The following ABCC2 variants were observed in gnomAD, a reference collection of about 807,000 sequenced individuals.
ABCC2 encodes the protein ATP binding cassette subfamily C member 2, also known as ATP-binding cassette sub-family C member 2.
A neutral mutation model predicts 173.4 loss-of-function variants in ABCC2; 157 were observed. The ratio of observed to expected loss-of-function variants is 0.91; its 90% confidence interval spans 0.80 to 1.03. The LOEUF (loss-of-function observed/expected upper bound fraction) is 1.03. Among genes scored for constraint, ABCC2 ranks in the 50% least tolerant of loss-of-function variants. The pLI is 0.00. For missense variants in ABCC2, 1,822 were observed against 1,852.3 expected (o/e 0.98, Z 0.30); for synonymous variants, 657 against 693.5 (o/e 0.95, Z 0.83).
At chr10:99,814,566 T>C (rs865803027) in intron 16 of ABCC2, among the ~76,000 whole-genome samples, 1 of 42,168 alleles carries the variant, frequency 2.4e-5, no homozygotes, top group Non-Finnish European at 4.8e-5. Context: ...TATACACATA[T>C]ACACACACAT....
Position 99,792,365 on chromosome 10 carries a change from A to T in ABCC2, c.333+6A>T. 1.2e-6 allele frequency: 2 copies of T among 1,613,840 alleles called. No individual in the cohort carries two copies. The highest frequency in any genetic ancestry group is 1.7e-6 in the Non-Finnish European group (2 of 1,179,814). ...GCCTCTACCTAGGCACATGGGTAAG[A>T]CCTATACCACTTCTGCCCTGTTTAC... On this transcript the variant is annotated splice_donor_region_variant and intron_variant, in intron 3 of 31. Transcript: ENST00000647814.
rs544634054 is a variant in ABCC2, at chr10:99,788,230, C to T, written c.207+3449C>T. The stretch of plus-strand genomic sequence containing the variant: ...ATATATTTTTTCACACAAATGCTAG[C>T]GTCCCATATGTGCTTTTCTGTGTCT... On this transcript the variant is annotated intron_variant, in intron 2 of 31. Transcript: ENST00000647814. 1.4e-4 allele frequency among the ~76,000 whole-genome samples: 21 copies of T among 152,220 alleles called. No homozygotes were observed. The East Asian group carries it at 3.7e-3, about 27-fold the overall frequency.
chr10:99,814,272 C>G (rs1398330010), intron 16 of ABCC2, among the ~76,000 whole-genome samples: 1 of 73,354 alleles, frequency 1.4e-5, no homozygotes, highest in South Asian at 4.1e-4. Flanking sequence ...CGTATGTATA[C>G]ACACGTATGT....
At chr10:99,784,910 A>C in intron 2 of ABCC2, 129 bp downstream of exon 2, 1 of 1,183,016 alleles carries the variant, frequency 8.5e-7, no homozygotes, top group South Asian at 1.3e-5. Flanking sequence ...AGGTAGAGCC[A>C]GGCTCAAGGT....
intron 26 of ABCC2, among the ~76,000 whole-genome samples, chr10:99,842,803 A>C (rs2038966512): frequency 6.6e-6 from 1 of 152,184 alleles, no homozygotes; most frequent in Non-Finnish European, 1.5e-5. Context: ...TAATCCCAGC[A>C]CTTTGGGAGG....
At chr10:99,809,355 A>C (rs2038169717) in intron 13 of ABCC2, among the ~76,000 whole-genome samples, 1 of 152,152 alleles carries the variant, frequency 6.6e-6, no homozygotes, top group South Asian at 2.1e-4. Flanking sequence ...TCCATCTCAA[A>C]ACAAAACAAA....
intron 7 of ABCC2, among the ~76,000 whole-genome samples, chr10:99,798,905 C>G (rs895320423): frequency 2.6e-5 from 4 of 152,160 alleles, no homozygotes; most frequent in African/African-American, 9.7e-5. Flanking sequence ...GCATCATGCC[C>G]AGGCCCTTCA....
At chr10:99,839,114 A>G (rs1166272421) in intron 25 of ABCC2, among the ~76,000 whole-genome samples, 4 of 106,316 alleles carry the variant, frequency 3.8e-5, no homozygotes, top group African/African-American at 3.7e-5. Context: ...TCCCTCCCGG[A>G]CGGGGCGGCT....
chr10:99,849,800 G>A (rs2039064162), intron 30 of ABCC2, among the ~76,000 whole-genome samples: 1 of 152,096 alleles, frequency 6.6e-6, no homozygotes, highest in South Asian at 2.1e-4. Context: ...CAGCACTTTG[G>A]CCACCCCCTG....
chr10:99,811,376 G>T (rs1298481559), intron 14 of ABCC2, among the ~76,000 whole-genome samples, 160 bp from the exon 15 acceptor site: 4 of 152,050 alleles, frequency 2.6e-5, no homozygotes, highest in African/African-American at 9.7e-5. Flanking sequence ...TGGTCTCATG[G>T]TCTCATTCTA....
Position 99,813,127 on chromosome 10 carries a change from G to T in ABCC2, c.2077G>T (p.Gly693Trp). 6.2e-7 allele frequency: 1 copy of T among 1,613,774 alleles called. No homozygotes were observed. Among genetic ancestry groups the T allele is most frequent in the South Asian group, 1.1e-5 (1 of 91,064 alleles). The change falls in exon 16 of 32, where the codon GGG becomes TGG. Residue 693 changes from glycine (G) to tryptophan (W), a missense_variant. Gly to Trp is a radical substitution (Grantham distance 184, BLOSUM62 -2). Transcript: ENST00000647814. The stretch of plus-strand genomic sequence containing the variant: ...GCTGGGAGAAATGGAAAATGTCCAC[G>T]GGCACATCACCATCAAGGTGAGAGG... ...AMLGEMENVH[G>W]HITIKGTTAY...
Position 99,792,357 on chromosome 10 carries a change from T to G in ABCC2, c.331T>G (p.Trp111Gly). 6.2e-7 allele frequency: 1 copy of G among 1,613,992 alleles called. No individual in the cohort carries two copies. Among genetic ancestry groups the G allele is most frequent in the Non-Finnish European group, 8.5e-7 (1 of 1,179,892 alleles). The stretch of plus-strand genomic sequence containing the variant: ...CAATCCAAGCCTCTACCTAGGCACA[T>G]GGGTAAGACCTATACCACTTCTGCC... ...YTNPSLYLGT[W>G]LLVLLIQYSR... Residue 111 changes from tryptophan (W) to glycine (G), a missense_variant and splice_region_variant, in exon 3 of 32, where the codon TGG becomes GGG. Physicochemically the swap from Trp to Gly is radical, Grantham distance 184 (BLOSUM62 -2). Coordinates refer to ENST00000647814, the MANE Select transcript of ABCC2 (RefSeq NM_000392.5).
chr10:99,819,384 C>T, intron 19 of ABCC2, 115 bp downstream of exon 19: 1 of 1,027,580 alleles, frequency 9.7e-7, no homozygotes, highest in Non-Finnish European at 1.5e-6. Flanking sequence ...AGCAAACTAC[C>T]CAGAGATTCA....
chr10:99,838,241 G>A (rs2038861442), intron 25 of ABCC2, among the ~76,000 whole-genome samples: 2 of 20,044 alleles, frequency 1.0e-4, no homozygotes, highest in African/African-American at 4.1e-4. Context: ...GCGGCTGGCC[G>A]GGCAGAGGGG....
At chr10:99,795,474 G>A (rs2037884607) in intron 6 of ABCC2, among the ~76,000 whole-genome samples, 1 of 151,850 alleles carries the variant, frequency 6.6e-6, no homozygotes, top group African/African-American at 2.4e-5. Context: ...TGAGGCGGGT[G>A]GATCACCTGA....
At chr10:99,825,504 C>T (rs1237349546) in intron 19 of ABCC2, among the ~76,000 whole-genome samples, 1 of 152,298 alleles carries the variant, frequency 6.6e-6, no homozygotes, top group East Asian at 1.9e-4. Flanking sequence ...CCTGTCGGAT[C>T]AGTGCTTCCA....
At chr10:99,847,792 G>A (rs1288237960) in intron 30 of ABCC2, among the ~76,000 whole-genome samples, 6 of 151,020 alleles carry the variant, frequency 4.0e-5, no homozygotes, top group Admixed American at 6.6e-5. Context: ...GGTGGCAGGC[G>A]CCTGTAATCT....
chr10:99,814,202 TATACACAC>T lies in ABCC2; in HGVS notation c.2094+1061_2094+1068del, dbSNP rs1251999489. Among the ~76,000 whole-genome samples, 5 of 83,020 alleles carry T rather than the reference TATACACAC, an allele frequency of 6.0e-5. 2 individuals are homozygous for T. The highest frequency in any genetic ancestry group is 9.3e-5 in the African/African-American group (2 of 21,620). 54.5% of individuals were successfully genotyped at this position (83,020 alleles called of 152,430 possible). On this transcript the variant is annotated intron_variant, in intron 16 of 31. Coordinates refer to ENST00000647814, the MANE Select transcript of ABCC2 (RefSeq NM_000392.5). ...ATGTATGTATACACACATGTGTATATATACACACATGTGTATATATACACACATGTGTA... is the reference window on the plus strand; with the variant it reads ...ATGTATGTATACACACATGTGTATATATGTGTATATATACACACATGTGTA...
intron 11 of ABCC2, among the ~76,000 whole-genome samples, chr10:99,806,268 C>T (rs966127551): frequency 9.2e-5 from 14 of 152,104 alleles, no homozygotes; most frequent in African/African-American, 3.1e-4. Context: ...CAAACTGCAG[C>T]GATGGTAACT....
Sources: gnomAD v4.1 joint callset for allele counts (sites outside exome capture counted in the v4.1 genomes callset) on GRCh38, gnomAD v4.1.1 for gene constraint, MANE v1.5 for transcripts, NCBI Gene and HGNC (gene_info 2026-07-23, HGNC 2026-07-21) for gene names.